TEC: variants seen among roughly 807,000 people sequenced by gnomAD.
TEC encodes tyrosine-protein kinase Tec.
A neutral mutation model predicts 93.0 loss-of-function variants in TEC; 72 were observed. The observed-to-expected ratio is 0.77, with a 90% CI of 0.64 to 0.94. The LOEUF is 0.94. Among genes scored for constraint, TEC ranks in the 40% least tolerant of loss-of-function variants. TEC has a pLI of 0.00. For missense variants in TEC, 630 were observed against 757.9 expected (o/e 0.83, Z 1.98); for synonymous variants, 249 against 247.7 (o/e 1.01, Z -0.05).
chr4:48,210,034 T>A (rs552195603), intron 2 of TEC, among the ~76,000 whole-genome samples: 3 of 152,198 alleles, frequency 2.0e-5, no homozygotes, highest in Non-Finnish European at 4.4e-5. Flanking sequence ...GAGAAATCTT[T>A]GTCAATTAAA....
intron 15 of TEC, 101 bp downstream of exon 15, chr4:48,141,254 A>G (rs1192865022): frequency 9.9e-7 from 1 of 1,014,054 alleles, no homozygotes; most frequent in African/African-American, 1.6e-5. Flanking sequence ...ACCAGTTAAC[A>G]AGATTTCCTT....
chr4:48,142,542 T>A (rs572228424), intron 14 of TEC, among the ~76,000 whole-genome samples: 2 of 152,338 alleles, frequency 1.3e-5, no homozygotes, highest in African/African-American at 4.8e-5. Flanking sequence ...TAACATGATG[T>A]ACAAAATTGG....
At chr4:48,141,222 A>C (rs905630290) in intron 15 of TEC, 133 bp downstream of exon 15, 23 of 741,068 alleles carry the variant, frequency 3.1e-5, no homozygotes, top group Admixed American at 4.6e-5. Flanking sequence ...CCATCACAAT[A>C]TATACTTAAT....
At chr4:48,214,416 A>G (rs751767826) in intron 2 of TEC, among the ~76,000 whole-genome samples, 1 of 152,240 alleles carries the variant, frequency 6.6e-6, no homozygotes, top group Non-Finnish European at 1.5e-5. Context: ...GAAAGTGACA[A>G]GCACAGACAG....
chr4:48,175,707 G>T (rs1439824274), intron 3 of TEC, among the ~76,000 whole-genome samples: 1 of 152,080 alleles, frequency 6.6e-6, no homozygotes, highest in African/African-American at 2.4e-5. Flanking sequence ...CCTCCCTTAT[G>T]CAACAGAACC....
intron 2 of TEC, among the ~76,000 whole-genome samples, chr4:48,185,815 C>T (rs114367658): frequency 4.5e-4 from 20 of 44,630 alleles, no homozygotes; most frequent in Admixed American, 5.7e-4. Flanking sequence ...CATCTCCCTC[C>T]CCCTCCCCCT....
At chr4:48,181,886 G>A (rs903613043) in intron 2 of TEC, among the ~76,000 whole-genome samples, 1 of 152,068 alleles carries the variant, frequency 6.6e-6, no homozygotes, top group South Asian at 2.1e-4. Flanking sequence ...AGCAGTTACC[G>A]TAGAAGGAAC....
At chr4:48,168,743 C>CT (rs908914586) in intron 5 of TEC, 117 bp from the exon 6 acceptor site, 2 of 967,980 alleles carry the variant, frequency 2.1e-6, no homozygotes, top group Admixed American at 2.5e-5. Context: ...GCAGCACACT[C>CT]TGACCAACTC....
In TEC at chr4:48,156,662, A is replaced by T; in HGVS notation, c.792+18T>A. 6.2e-7 allele frequency: 1 copy of T among 1,600,544 alleles called. No homozygotes were observed. The highest frequency in any genetic ancestry group is 8.5e-7 in the Non-Finnish European group (1 of 1,176,496). Reference sequence around the variant, plus strand: ...ATTAATTTGCCCTTAAGCCAAACCCACAAGTACAAACACTTACTTCACTGC... The same window carrying T: ...ATTAATTTGCCCTTAAGCCAAACCCTCAAGTACAAACACTTACTTCACTGC... On this transcript the variant is annotated intron_variant, in intron 9 of 17. Coordinates refer to ENST00000381501, the MANE Select transcript of TEC (RefSeq NM_003215.3).
chr4:48,219,828 C>T (rs1723198960), intron 2 of TEC, among the ~76,000 whole-genome samples: 1 of 152,068 alleles, frequency 6.6e-6, no homozygotes, highest in Non-Finnish European at 1.5e-5. Context: ...TGGTAGTGGT[C>T]CCCCAGGCCC....
At chr4:48,199,874 T>C (rs1390209026) in intron 2 of TEC, among the ~76,000 whole-genome samples, 2 of 152,228 alleles carry the variant, frequency 1.3e-5, no homozygotes, top group Admixed American at 1.3e-4. Context: ...ATTTAGTGCA[T>C]GTTGTAGATG....
intron 1 of TEC, among the ~76,000 whole-genome samples, chr4:48,246,324 T>C (rs536873971): frequency 3.7e-4 from 56 of 152,264 alleles, no homozygotes; most frequent in African/African-American, 1.3e-3. Context: ...ATGAAAGACA[T>C]GATATTGTTA....
chr4:48,216,879 C>A (rs1723098493), intron 2 of TEC, among the ~76,000 whole-genome samples: 1 of 152,138 alleles, frequency 6.6e-6, no homozygotes, highest in Non-Finnish European at 1.5e-5. Context: ...GAATAAAACA[C>A]AACTATCACA....
At chr4:48,204,424 G>A (rs1722635165) in intron 2 of TEC, among the ~76,000 whole-genome samples, 2 of 152,178 alleles carry the variant, frequency 1.3e-5, no homozygotes. Context: ...ACTGGGAGAG[G>A]ACTCCTGTAA....
intron 5 of TEC, among the ~76,000 whole-genome samples, chr4:48,169,354 A>T (rs1483111157): frequency 2.6e-5 from 4 of 152,028 alleles, no homozygotes; most frequent in Admixed American, 6.6e-5. Context: ...CTGTGCATTC[A>T]CTAATACCAA....
At chr4:48,177,903 A>T (rs1452684622) in intron 2 of TEC, among the ~76,000 whole-genome samples, 2 of 152,110 alleles carry the variant, frequency 1.3e-5, no homozygotes, top group African/African-American at 4.8e-5. Flanking sequence ...GCCATGTAAG[A>T]TGTGCCTCTT....
intron 2 of TEC, among the ~76,000 whole-genome samples, chr4:48,191,932 A>G (rs1036245765): frequency 3.9e-5 from 6 of 152,204 alleles, no homozygotes; most frequent in Non-Finnish European, 7.3e-5. Flanking sequence ...GACTAAGACC[A>G]TAAAAGATAT....
chr4:48,212,098 C>CAAAAAAAAAAAAAAA lies in TEC; in HGVS notation c.138+16378_138+16379insTTTTTTTTTTTTTTT, dbSNP rs59441112. On this transcript the variant is annotated intron_variant, in intron 2 of 17. Transcript: ENST00000381501. ...TGGGTGACAGAGTGAGACTCTGTCT[C>CAAAAAAAAAAAAAAA]AAAAAAAAAAAAATATATATATATA... 1.0e-3 allele frequency among the ~76,000 whole-genome samples: 90 copies of CAAAAAAAAAAAAAAA among 86,438 alleles called. 1 individual carries two copies. Among genetic ancestry groups the CAAAAAAAAAAAAAAA allele is most frequent in the African/African-American group, 3.3e-3 (71 of 21,832 alleles). 56.7% of individuals were successfully genotyped at this position (86,438 alleles called of 152,430 possible).
At chr4:48,184,141 C>A (rs1226488554) in intron 2 of TEC, among the ~76,000 whole-genome samples, 3 of 152,158 alleles carry the variant, frequency 2.0e-5, no homozygotes, top group East Asian at 1.9e-4. Flanking sequence ...CTCAGTGAAT[C>A]CTCACAGCAT....
Sources: gnomAD v4.1 joint callset for allele counts (sites outside exome capture counted in the v4.1 genomes callset) on GRCh38, gnomAD v4.1.1 for gene constraint, MANE v1.5 for transcripts, NCBI Gene and HGNC (gene_info 2026-07-23, HGNC 2026-07-21) for gene names.